NEK7: variants seen among roughly 807,000 people sequenced by gnomAD.
NEK7 encodes NIMA related kinase 7.
NEK7 carries 18 observed loss-of-function variants against 44.6 expected under a neutral mutation model. That is an observed-to-expected ratio of 0.40 (90% confidence interval 0.28 to 0.60). The LOEUF (loss-of-function observed/expected upper bound fraction) is 0.60. Ranked by LOEUF, NEK7 falls within the 20% of genes least tolerant of loss-of-function variation. The pLI, the probability that NEK7 is intolerant of heterozygous loss-of-function variation, is 0.38. For missense variants in NEK7, 256 were observed against 366.5 expected, an observed-to-expected ratio of 0.70 and a Z score of 2.46; for synonymous variants, 130 against 121.1, an observed-to-expected ratio of 1.07 and a Z score of -0.48.
chr1:198,301,950 CTGATTA>C (rs1654900969), intron 9 of NEK7, among the ~76,000 whole-genome samples: 1 of 152,210 alleles, frequency 6.6e-6, no homozygotes, highest in African/African-American at 2.4e-5. Context: ...TGATTATATT[CTGATTA>C]TATTTTCAAA....
chr1:198,231,297 G>GTATATATATATATA lies in NEK7; in HGVS notation c.-28-1255_-28-1254insATATATATATATAT, dbSNP rs1236094292. Among the ~76,000 whole-genome samples, 289 of 89,856 alleles carry GTATATATATATATA rather than the reference G, an allele frequency of 3.2e-3. 1 individual carries two copies. The highest frequency in any genetic ancestry group is 4.9e-3 in the African/African-American group (90 of 18,276). 58.9% of individuals were successfully genotyped at this position (89,856 alleles called of 152,430 possible). A position where few individuals can be genotyped will look rare whatever the true frequency, so the allele number is the denominator to read the frequency against. On this transcript the variant is annotated intron_variant, in intron 1 of 9. Coordinates refer to ENST00000367385, the MANE Select transcript of NEK7 (RefSeq NM_133494.3). ...TGTGTGTGTATATACGTGTATGTGT[G>GTATATATATATATA]TGTGTATATATATATATATATATAT... is the stretch of plus-strand genomic sequence containing the variant.
At chr1:198,308,365 G>T (rs946263380) in intron 9 of NEK7, among the ~76,000 whole-genome samples, 1 of 152,036 alleles carries the variant, frequency 6.6e-6, no homozygotes, top group East Asian at 1.9e-4. Flanking sequence ...CAAAATTCAG[G>T]CGTTCATATT....
chr1:198,227,173 C>A lies in NEK7; in HGVS notation c.-28-5380C>A, dbSNP rs190219269. Among the ~76,000 whole-genome samples the A allele has an allele frequency of 2.6e-5, 4 of 152,254 alleles. No individual in the cohort carries two copies. In the East Asian group the frequency reaches 7.7e-4, roughly 29 times the overall value. ...TGAGAATGATGGTTTCCAGCTTCAT[C>A]CGTGTCCCTACAAAGGACATGAACT... On this transcript the variant is annotated intron_variant, in intron 1 of 9. Coordinates refer to ENST00000367385, the MANE Select transcript of NEK7 (RefSeq NM_133494.3).
intron 9 of NEK7, among the ~76,000 whole-genome samples, chr1:198,298,159 G>C (rs1654767662): frequency 6.6e-6 from 1 of 152,116 alleles, no homozygotes; most frequent in Non-Finnish European, 1.5e-5. Flanking sequence ...CTTCTCATGA[G>C]CAACAGATTT....
intron 3 of NEK7, chr1:198,256,451 T>G: frequency 6.2e-7 from 1 of 1,607,220 alleles, no homozygotes; most frequent in Non-Finnish European, 8.5e-7. Flanking sequence ...TTTTGAAAAT[T>G]TACCTGTATC....
intron 2 of NEK7, among the ~76,000 whole-genome samples, chr1:198,234,074 G>T (rs1666479673): frequency 6.6e-6 from 1 of 152,048 alleles, no homozygotes; most frequent in Non-Finnish European, 1.5e-5. Flanking sequence ...CTCCTTGAGG[G>T]AAAGGACTGT....
intron 6 of NEK7, 131 bp downstream of exon 6, chr1:198,278,200 A>C: frequency 1.7e-6 from 1 of 575,284 alleles, no homozygotes; most frequent in East Asian, 3.1e-5. Context: ...ATTATGCTAG[A>C]ATGTTAAACC....
At chr1:198,297,850 T>G (rs1160053286) in intron 9 of NEK7, among the ~76,000 whole-genome samples, 1 of 152,204 alleles carries the variant, frequency 6.6e-6, no homozygotes, top group African/African-American at 2.4e-5. Flanking sequence ...AAAAGTGTGT[T>G]AGTTGTGGCT....
chr1:198,157,752 G>A (rs1483274139), intron 1 of NEK7, among the ~76,000 whole-genome samples: 1 of 152,214 alleles, frequency 6.6e-6, no homozygotes, highest in African/African-American at 2.4e-5. Flanking sequence ...AGTGGGTGGT[G>A]GGAGCCGGCA....
chr1:198,274,603 G>T (rs1653960654), intron 5 of NEK7, among the ~76,000 whole-genome samples: 1 of 151,478 alleles, frequency 6.6e-6, no homozygotes, highest in Non-Finnish European at 1.5e-5. Context: ...GGTTATGCTG[G>T]GTAATATCAC....
At chr1:198,277,909 C>T in intron 5 of NEK7, 52 bp from the exon 6 acceptor site, 1 of 1,017,484 alleles carries the variant, frequency 9.8e-7, no homozygotes. Flanking sequence ...TACCAGAATC[C>T]AGTCTTGAGA....
At chr1:198,269,260 G>A (rs1369288593) in intron 5 of NEK7, among the ~76,000 whole-genome samples, 1 of 152,052 alleles carries the variant, frequency 6.6e-6, no homozygotes. Context: ...CTGTTCCAGG[G>A]CTCAGTAGAT....
chr1:198,291,514 A>G (rs970628331), intron 7 of NEK7, among the ~76,000 whole-genome samples: 7 of 114,252 alleles, frequency 6.1e-5, no homozygotes, highest in African/African-American at 2.2e-4. Flanking sequence ...AAATTGGCGT[A>G]TTTACCTGTT....
At position 198,217,844 on chromosome 1, in the gene NEK7, A is replaced by G. The variant is rs566277125; in HGVS notation, c.-28-14709A>G. ...AATCCGTTTTTACAATAGCTATAAA[A>G]AAAAAAAAAAAAGCCCCAAGCCTAG... On this transcript the variant is annotated intron_variant, in intron 1 of 9. Coordinates refer to ENST00000367385, the MANE Select transcript of NEK7 (RefSeq NM_133494.3). Among the ~76,000 whole-genome samples the G allele has an allele frequency of 1.2e-4, 18 of 151,322 alleles. No homozygotes were observed. The South Asian group carries it at 3.5e-3, about 30-fold the overall frequency.
At chr1:198,178,682 A>AT (rs199526485) in intron 1 of NEK7, among the ~76,000 whole-genome samples, 3,717 of 151,622 alleles carry the variant, frequency 0.025, 145 homozygotes, top group African/African-American at 0.085. Flanking sequence ...TCTCCCTGCC[A>AT]TTTTTTGTTG....
intron 1 of NEK7, among the ~76,000 whole-genome samples, chr1:198,196,050 A>G (rs535936071): frequency 4.6e-5 from 7 of 152,284 alleles, no homozygotes; most frequent in African/African-American, 1.7e-4. Flanking sequence ...TAGTATGATG[A>G]TTAAGATAAA....
chr1:198,277,739 C>CTGT (rs1654059324), intron 5 of NEK7: 1 of 406,978 alleles, frequency 2.5e-6, no homozygotes, highest in African/African-American at 2.1e-5. Context: ...CAAAAAGGTA[C>CTGT]TGTTACACAG....
intron 1 of NEK7, among the ~76,000 whole-genome samples, chr1:198,180,368 C>G (rs1193802296): frequency 6.6e-6 from 1 of 151,834 alleles, no homozygotes; most frequent in Non-Finnish European, 1.5e-5. Context: ...TGTGCTGAGA[C>G]CTGTTGTTTT....
intron 2 of NEK7, among the ~76,000 whole-genome samples, chr1:198,232,935 T>C (rs1666442343): frequency 6.6e-6 from 1 of 152,136 alleles, no homozygotes; most frequent in African/African-American, 2.4e-5. Flanking sequence ...TAGGGTGCAG[T>C]TTGCCATTTT....
Sources: gnomAD v4.1 joint callset for allele counts (sites outside exome capture counted in the v4.1 genomes callset) on GRCh38, gnomAD v4.1.1 for gene constraint, MANE v1.5 for transcripts, NCBI Gene and HGNC (gene_info 2026-07-23, HGNC 2026-07-21) for gene names.